The following RELT variants were observed in gnomAD, a reference collection of about 807,000 sequenced individuals.
RELT encodes the protein RELT TNF receptor, also known as tumor necrosis factor receptor superfamily member 19L.
In RELT, 37 loss-of-function variants were observed where a neutral mutation model predicts 51.1. That is an observed-to-expected ratio of 0.72 (90% CI 0.56 to 0.95). The LOEUF (loss-of-function observed/expected upper bound fraction) is 0.95, where lower values mean the gene tolerates loss of function less well. Among genes scored for constraint, RELT ranks in the 40% least tolerant of loss-of-function variants. The pLI, the probability that RELT is intolerant of heterozygous loss-of-function variation, is 0.00. For missense variants in RELT, 535 were observed against 572.6 expected (o/e 0.93, Z 0.67); for synonymous variants, 241 against 235.7 (o/e 1.02, Z -0.21).
In RELT at chr11:73,394,104, G is replaced by C; in HGVS notation, c.707-132G>C. On this transcript the variant is annotated intron_variant, in intron 7 of 10. Coordinates refer to ENST00000064780, the MANE Select transcript of RELT (RefSeq NM_152222.2). This position sits in a 1 kb window ranked among gnomAD's most constrained non-coding sequence, Gnocchi z 4.9. ...GCCTCCCATTCTTGCCTGATGAAGT[G>C]GGAGGAAAAGGCGCACAGCCCAGGC... is the stretch of plus-strand genomic sequence containing the variant. 1.0e-6 allele frequency: 1 copy of C among 983,882 alleles called. No homozygotes were observed. The allele number at this position is 983,882 out of a possible 1,614,324, so 60.9% of individuals were successfully genotyped here.
At position 73,393,825 on chromosome 11, in the gene RELT, T is replaced by C; in HGVS notation, c.626-12T>C. ...CCCTCTTCCCCAGGATCAGGGCCCT[T>C]CTCTTCCCCAGGAATCAACCCTGCC... On this transcript the variant is annotated splice_polypyrimidine_tract_variant and intron_variant, in intron 6 of 10. Transcript: ENST00000064780. 3 of 1,613,550 alleles carry C rather than the reference T, an allele frequency of 1.9e-6. No individual in the cohort carries two copies. Among genetic ancestry groups the C allele is most frequent in the Non-Finnish European group, 2.5e-6 (3 of 1,179,574 alleles).
chr11:73,390,525 T>A, intron 2 of RELT, 26 bp from the exon 3 acceptor site: 10 of 1,610,580 alleles, frequency 6.2e-6, no homozygotes, highest in Non-Finnish European at 8.5e-6. Flanking sequence ...ACTTTCTGCC[T>A]CTTTCAATGC....
Position 73,395,301 on chromosome 11 carries a change from A to C in RELT, c.1245+16A>C, listed in dbSNP as rs1248010085. 6.2e-7 allele frequency: 1 copy of C among 1,611,944 alleles called. No individual in the cohort carries two copies. Among genetic ancestry groups the C allele is most frequent in the African/African-American group, 1.3e-5 (1 of 75,004 alleles). ...CAAGGCCGAGGTGAGAGTCAAGGAG[A>C]AAGGCATCTGTTGGCACCTGGGCCA... is the stretch of plus-strand genomic sequence containing the variant. On this transcript the variant is annotated intron_variant, in intron 10 of 10. Coordinates refer to ENST00000064780, the MANE Select transcript of RELT (RefSeq NM_152222.2).
intron 2 of RELT, 96 bp downstream of exon 2, chr11:73,389,277 G>A: frequency 1.3e-6 from 1 of 797,892 alleles, no homozygotes. Context: ...GGAACCCCCT[G>A]CTGGGCAGGG....
Position 73,388,877 on chromosome 11 carries a change from C to T in RELT, c.-25-235C>T, listed in dbSNP as rs985197303. Among the ~76,000 whole-genome samples the T allele has an allele frequency of 1.3e-5, 2 of 152,218 alleles. No individual in the cohort carries two copies. Among genetic ancestry groups the T allele is most frequent in the African/African-American group, 4.8e-5 (2 of 41,462 alleles). On this transcript the variant is annotated intron_variant, in intron 1 of 10. Coordinates refer to ENST00000064780, the MANE Select transcript of RELT (RefSeq NM_152222.2). The surrounding 1 kb of genome is among the most constrained non-coding windows in gnomAD (Gnocchi z 4.1). ...CTGGGAAGCCTCCCAGCCTGCAGAGCCTTCTTCCTGCCTTCCTGCCTGTGC... is the reference window on the plus strand; with the variant it reads ...CTGGGAAGCCTCCCAGCCTGCAGAGTCTTCTTCCTGCCTTCCTGCCTGTGC...
chr11:73,391,270 AG>A, intron 5 of RELT, 47 bp downstream of exon 5: 1 of 1,547,678 alleles, frequency 6.5e-7, no homozygotes, highest in South Asian at 1.1e-5. Context: ...TATGTGCGGG[AG>A]GGGCCAGTGA....
intron 1 of RELT, among the ~76,000 whole-genome samples, chr11:73,377,269 A>AGT (rs369117500): frequency 0.03 from 4,316 of 146,148 alleles, 71 homozygotes; most frequent in Non-Finnish European, 0.045. Context: ...AAGTGGTGTC[A>AGT]GTGTGTGTGT....
chr11:73,383,238 C>T (rs1174267805), intron 1 of RELT, among the ~76,000 whole-genome samples: 2 of 152,184 alleles, frequency 1.3e-5, no homozygotes, highest in Non-Finnish European at 2.9e-5. Flanking sequence ...ACTGAGTGGC[C>T]CTGAGCCAGC....
rs1866315745 is a variant in RELT at position 73,396,109 on chromosome 11, G to A, written c.*618G>A. The A allele has an allele frequency of 6.5e-6, 1 of 153,170 alleles. No individual in the cohort carries two copies. Among genetic ancestry groups the A allele is most frequent in the African/African-American group, 2.4e-5 (1 of 41,436 alleles). The allele number at this position is 153,170 out of a possible 1,614,324, so 9.5% of individuals were successfully genotyped here. A position where few individuals can be genotyped will look rare whatever the true frequency, so the allele number is the denominator to read the frequency against. On this transcript the variant is annotated 3_prime_UTR_variant, in exon 11 of 11. Coordinates refer to ENST00000064780, the MANE Select transcript of RELT (RefSeq NM_152222.2). ...CTTTGTAGGTTCTGGGCTGGGTTGT[G>A]GGGGACTGGGGAGCTGGGCTCTACC...
chr11:73,393,801 C>T (rs976179964), intron 6 of RELT, 36 bp from the exon 7 acceptor site: 2 of 1,606,810 alleles, frequency 1.2e-6, no homozygotes, highest in Non-Finnish European at 1.7e-6. Context: ...GCGGCTTCCC[C>T]CTCTTCCCCA....
chr11:73,379,481 C>G (rs1866017857), intron 1 of RELT, among the ~76,000 whole-genome samples: 1 of 152,188 alleles, frequency 6.6e-6, no homozygotes, highest in Admixed American at 6.5e-5. Context: ...GAGGGCCAGT[C>G]AGCACCTGCC....
intron 1 of RELT, among the ~76,000 whole-genome samples, chr11:73,385,546 G>A (rs947452628): frequency 1.4e-4 from 22 of 152,180 alleles, no homozygotes; most frequent in Non-Finnish European, 2.6e-4. Context: ...TCAGACATGG[G>A]GCTGGGTGTG....
At chr11:73,379,600 G>T (rs1203632202) in intron 1 of RELT, among the ~76,000 whole-genome samples, 1 of 152,210 alleles carries the variant, frequency 6.6e-6, no homozygotes, top group African/African-American at 2.4e-5. Flanking sequence ...TCCAGACGCG[G>T]TACCTGCCTT....
intron 2 of RELT, among the ~76,000 whole-genome samples, chr11:73,389,854 T>A (rs1031302261): frequency 3.3e-5 from 5 of 152,132 alleles, no homozygotes; most frequent in African/African-American, 1.2e-4. Flanking sequence ...GGTAGCCTCA[T>A]CCAGCCTAGG....
intron 1 of RELT, 131 bp downstream of exon 1, chr11:73,376,630 GCCCGGCCGCGCGCC>G (rs1865970063): frequency 6.6e-6 from 1 of 151,916 alleles, no homozygotes. Flanking sequence ...GGATGCGGCA[GCCCGGCCGCGCGCC>G]CCCCCACCCC....
In RELT at chr11:73,394,306, GC is replaced by G. The variant is rs776334952; in HGVS notation, c.779del (p.Pro260LeufsTer54). The G allele has an allele frequency of 6.2e-7, 1 of 1,613,064 alleles. No individual in the cohort carries two copies. The highest frequency in any genetic ancestry group is 8.5e-7 in the Non-Finnish European group (1 of 1,179,962). On this transcript the variant is annotated frameshift_variant, in exon 8 of 11. Coordinates refer to ENST00000064780, the MANE Select transcript of RELT (RefSeq NM_152222.2). LOFTEE classifies it high-confidence loss of function. The surrounding 1 kb of genome is among the most constrained non-coding windows in gnomAD (Gnocchi z 4.9). Reference protein sequence around the residue: ...SKQLVQTSHRPVSKLPPAPPN... With the variant: ...SKQLVQTSHRXVSKLPPAPPN... ...AACAGCTGGTGCAGACGAGCCACAG[GC>G]CTGTGTCCAAGTGAGTGGGCTGGTG...
At chr11:73,390,334 T>G (rs1276535047) in intron 2 of RELT, among the ~76,000 whole-genome samples, 1 of 152,100 alleles carries the variant, frequency 6.6e-6, no homozygotes, top group African/African-American at 2.4e-5. Flanking sequence ...GATGTGGCTC[T>G]CTCCTTGCCC....
In RELT at chr11:73,391,267, G is replaced by A. The variant is rs117422436; in HGVS notation, c.367+44G>A. The stretch of plus-strand genomic sequence containing the variant: ...CTAGGACTGGTGCAGGGGTATGTGC[G>A]GGAGGGGCCAGTGAGTTGGAGCCCA... On this transcript the variant is annotated intron_variant, in intron 5 of 10. Coordinates refer to ENST00000064780, the MANE Select transcript of RELT (RefSeq NM_152222.2). The A allele has an allele frequency of 8.1e-3, 12,547 of 1,557,078 alleles. 127 individuals are homozygous for A. The highest frequency in any genetic ancestry group is 0.036 in the Middle Eastern group (212 of 5,890).
At chr11:73,379,206 T>G (rs1183780057) in intron 1 of RELT, among the ~76,000 whole-genome samples, 1 of 152,222 alleles carries the variant, frequency 6.6e-6, no homozygotes, top group East Asian at 1.9e-4. Flanking sequence ...GAGCCGGAGT[T>G]ATTTCCATCC....
Sources: gnomAD v4.1 joint callset for allele counts (sites outside exome capture counted in the v4.1 genomes callset) on GRCh38, gnomAD v4.1.1 for gene constraint, Gnocchi (gnomAD v3.1) non-coding constraint, MANE v1.5 for transcripts, NCBI Gene and HGNC (gene_info 2026-07-23, HGNC 2026-07-21) for gene names.